Variants in PLRG1 observed in about 807,000 individuals in gnomAD.
PLRG1 encodes the protein pleiotropic regulator 1 (PRL1 homolog, Arabidopsis).
PLRG1 carries 28 observed loss-of-function variants against 74.9 expected under a neutral mutation model. That is an observed-to-expected ratio of 0.37 (90% CI 0.28 to 0.51). The LOEUF (loss-of-function observed/expected upper bound fraction) is 0.51. Ranked by LOEUF, PLRG1 falls within the 20% of genes least tolerant of loss-of-function variation. The pLI is 0.91. For missense variants in PLRG1, 445 were observed against 631.9 expected, an observed-to-expected ratio of 0.70 and a Z score of 3.17; for synonymous variants, 197 against 212.4, an observed-to-expected ratio of 0.93 and a Z score of 0.63.
At chr4:154,543,330 G>A (rs1729589374) in intron 7 of PLRG1, among the ~76,000 whole-genome samples, 1 of 151,876 alleles carries the variant, frequency 6.6e-6, no homozygotes, top group South Asian at 2.1e-4. Flanking sequence ...GTATTTTTTT[G>A]TAGAGGCGGG....
At chr4:154,546,511 T>G in intron 4 of PLRG1, 1 of 340,632 alleles carries the variant, frequency 2.9e-6, no homozygotes, top group South Asian at 3.7e-5. Flanking sequence ...TATTAAGCAG[T>G]TCCTCAAATA....
At position 154,546,136 on chromosome 4, in the gene PLRG1, G is replaced by C; in HGVS notation, c.391C>G (p.Pro131Ala). 1.3e-6 allele frequency: 2 copies of C among 1,585,434 alleles called. No individual in the cohort carries two copies. The highest frequency in any genetic ancestry group is 1.7e-6 in the Non-Finnish European group (2 of 1,155,232). Residue 131 changes from proline (P) to alanine (A), a missense_variant, in exon 5 of 15, where the codon CCT becomes GCT. Pro to Ala is a conservative substitution (Grantham distance 27). This residue lies in a region of PLRG1 where 206 missense variants were observed against 210.8 expected (regional missense o/e 0.98). Coordinates refer to ENST00000499023, the MANE Select transcript of PLRG1 (RefSeq NM_002669.4). ...AATATTTCATACTTGGTCTGCAAAGGTAATGCCACCGCTAAGGACTGTGCA... is the reference window on the plus strand; with the variant it reads ...AATATTTCATACTTGGTCTGCAAAGCTAATGCCACCGCTAAGGACTGTGCA... ...SAAQSLAVAL[P>A]LQTKADANRT...
intron 8 of PLRG1, 23 bp downstream of exon 8, chr4:154,542,164 A>AT: frequency 2.2e-6 from 3 of 1,383,150 alleles, no homozygotes; most frequent in Non-Finnish European, 3.1e-6. Context: ...AGTCATGTTT[A>AT]TTTTTTCTTC....
chr4:154,537,200 T>C, intron 14 of PLRG1, 86 bp downstream of exon 14: 1 of 767,882 alleles, frequency 1.3e-6, no homozygotes, highest in Non-Finnish European at 2.1e-6. Flanking sequence ...CTATAAAGAT[T>C]ATTTTTCCTT....
chr4:154,547,492 T>A, intron 3 of PLRG1: 2 of 574,950 alleles, frequency 3.5e-6, no homozygotes, highest in Non-Finnish European at 6.1e-6. Flanking sequence ...ACTCTAAGAA[T>A]CTCTGCCATC....
intron 12 of PLRG1, among the ~76,000 whole-genome samples, chr4:154,538,689 T>A (rs1239463249): frequency 6.6e-6 from 1 of 152,106 alleles, no homozygotes; most frequent in African/African-American, 2.4e-5. Context: ...CCTTTTTGGA[T>A]ACTCTGACTG....
chr4:154,536,656 A>T lies in PLRG1; in HGVS notation c.*29T>A, dbSNP rs1290231186. 8.0e-7 allele frequency: 1 copy of T among 1,247,684 alleles called. No homozygotes were observed. Among genetic ancestry groups the T allele is most frequent in the Admixed American group, 2.0e-5 (1 of 48,854 alleles). 77.3% of individuals were successfully genotyped at this position (1,247,684 alleles called of 1,614,324 possible). A position where few individuals can be genotyped will look rare whatever the true frequency, so the allele number is the denominator to read the frequency against. ...TTTTTTTTTTTAATTAAAAAGAAAA[A>T]AAAAGAGAGAGAAAAAATTCCACAT... On this transcript the variant is annotated 3_prime_UTR_variant, in exon 15 of 15. Coordinates refer to ENST00000499023, the MANE Select transcript of PLRG1 (RefSeq NM_002669.4).
At chr4:154,546,510 G>T in intron 4 of PLRG1, 1 of 341,530 alleles carries the variant, frequency 2.9e-6, no homozygotes, top group South Asian at 3.7e-5. Context: ...GTATTAAGCA[G>T]TTCCTCAAAT....
chr4:154,537,424 T>G lies in PLRG1; in HGVS notation c.1347A>C (p.Arg449Ser). 1 of 1,613,404 alleles carries G rather than the reference T, an allele frequency of 6.2e-7. No homozygotes were observed. Among genetic ancestry groups the G allele is most frequent in the Non-Finnish European group, 8.5e-7 (1 of 1,179,550 alleles). ...ACCCAGGTTGCACAGCTGCGTGAAC[T>G]CTCTGAAAATTGTAGCCAGTTCTCC... Reference protein sequence around the residue: ...WDWRTGYNFQRVHAAVQPGSL... With the variant: ...WDWRTGYNFQSVHAAVQPGSL... Residue 449 changes from arginine (R) to serine (S), a missense_variant, in exon 14 of 15, where the codon AGA becomes AGC. Coordinates refer to ENST00000499023, the MANE Select transcript of PLRG1 (RefSeq NM_002669.4).
chr4:154,547,551 T>A, intron 3 of PLRG1, 160 bp downstream of exon 3: 1 of 654,774 alleles, frequency 1.5e-6, no homozygotes, highest in Non-Finnish European at 2.6e-6. Flanking sequence ...ATCAACAGTA[T>A]TCCCATGAGG....
At chr4:154,539,310 T>C in intron 11 of PLRG1, 97 bp from the exon 12 acceptor site, 1 of 757,886 alleles carries the variant, frequency 1.3e-6, no homozygotes. Context: ...ACACATATGT[T>C]CTAAATGAAA....
rs765926669 is a variant in PLRG1, at chr4:154,548,947, GAATGT to G, written c.10-17_10-13del. Reference sequence around the variant, plus strand: ...TGTTTCTGTACCTCCTAAAAAAAAAGAATGTAATTACACACCTATCTACAAATTAC... The same window carrying G: ...TGTTTCTGTACCTCCTAAAAAAAAAGAATTACACACCTATCTACAAATTAC... On this transcript the variant is annotated splice_polypyrimidine_tract_variant and intron_variant, in intron 1 of 14. Transcript: ENST00000499023. 9.3e-6 allele frequency: 13 copies of G among 1,395,948 alleles called. No homozygotes were observed. The highest frequency in any genetic ancestry group is 1.3e-5 in the Non-Finnish European group (13 of 982,288). The allele number at this position is 1,395,948 out of a possible 1,614,324, so 86.5% of individuals were successfully genotyped here.
At chr4:154,549,156 A>C (rs1048168685) in intron 1 of PLRG1, 2 of 529,934 alleles carry the variant, frequency 3.8e-6, no homozygotes, top group Non-Finnish European at 7.1e-6. Flanking sequence ...GCCGGAGTTT[A>C]ACTTACTCAA....
intron 1 of PLRG1, among the ~76,000 whole-genome samples, chr4:154,549,353 G>C (rs551040958): frequency 6.6e-6 from 1 of 152,230 alleles, no homozygotes; most frequent in Non-Finnish European, 1.5e-5. Flanking sequence ...GGGAATGAAG[G>C]ACTAAGTATA....
chr4:154,538,453 G>T (rs961807814), intron 12 of PLRG1, among the ~76,000 whole-genome samples: 5 of 151,898 alleles, frequency 3.3e-5, no homozygotes, highest in African/African-American at 9.7e-5. Context: ...AGCAAGACAG[G>T]ACAGGAAGAA....
At chr4:154,541,485 T>A (rs1459480847) in intron 8 of PLRG1, among the ~76,000 whole-genome samples, 1 of 152,182 alleles carries the variant, frequency 6.6e-6, no homozygotes, top group Non-Finnish European at 1.5e-5. Context: ...TTATTCCATT[T>A]ATGGAACTCT....
At chr4:154,544,357 T>C in intron 7 of PLRG1, 88 bp downstream of exon 7, 1 of 790,162 alleles carries the variant, frequency 1.3e-6, no homozygotes, top group Non-Finnish European at 2.2e-6. Flanking sequence ...TCATATTCAC[T>C]CTTTTTCCTC....
Position 154,544,446 on chromosome 4 carries a change from C to G in PLRG1, c.593G>C (p.Arg198Thr). ...TAAAATAAATGCAGAGTCACTCACC[C>G]TGTAGAGTTTCCACGGTGGGTGCCA... ...PQWHPPWKLY[R>T]VISGHLGWVR... Residue 198 changes from arginine (R) to threonine (T), a missense_variant and splice_region_variant, in exon 7 of 15, where the codon AGG becomes ACG. By Grantham distance (71) the Arg-to-Thr change is moderately conservative. Coordinates refer to ENST00000499023, the MANE Select transcript of PLRG1 (RefSeq NM_002669.4). 2 of 1,539,644 alleles carry G rather than the reference C, an allele frequency of 1.3e-6. No individual in the cohort carries two copies. Among genetic ancestry groups the G allele is most frequent in the Non-Finnish European group, 9.0e-7 (1 of 1,112,038 alleles).
At position 154,538,084 on chromosome 4, in the gene PLRG1, TG is replaced by T; in HGVS notation, c.1175del (p.Pro392GlnfsTer4). On this transcript the variant is annotated frameshift_variant, in exon 13 of 15. Transcript: ENST00000499023. LOFTEE classifies it high-confidence loss of function. ...PRHYTFASGSPDNIKQWKFPD... is the reference protein window; with the variant it reads ...PRHYTFASGSXDNIKQWKFPD... ...GGAATTTCCACTGCTTTATGTTATC[TG>T]GAGAACCAGATGCAAATGTGTAACT... 1 of 1,497,358 alleles carries T rather than the reference TG, an allele frequency of 6.7e-7. No individual in the cohort carries two copies. Among genetic ancestry groups the T allele is most frequent in the Non-Finnish European group, 9.1e-7 (1 of 1,097,050 alleles). 92.8% of individuals were successfully genotyped at this position (1,497,358 alleles called of 1,614,324 possible). A position where few individuals can be genotyped will look rare whatever the true frequency, so the allele number is the denominator to read the frequency against.
Sources: gnomAD v4.1 joint callset for allele counts (sites outside exome capture counted in the v4.1 genomes callset) on GRCh38, gnomAD v4.1.1 for gene constraint, gnomAD v4.1.1 regional missense constraint, MANE v1.5 for transcripts, NCBI Gene and HGNC (gene_info 2026-07-23, HGNC 2026-07-21) for gene names.